Variants in AOAH observed in about 807,000 individuals in gnomAD.
AOAH encodes acyloxyacyl hydrolase (neutrophil).
A neutral mutation model predicts 92.2 loss-of-function variants in AOAH; 64 were observed. The ratio of observed to expected loss-of-function variants is 0.69; its 90% confidence interval spans 0.57 to 0.86. AOAH has a LOEUF of 0.86. Among genes scored for constraint, AOAH ranks in the 40% least tolerant of loss-of-function variants. AOAH has a pLI of 0.00. For synonymous variants in AOAH, 263 were observed against 254.5 expected (o/e 1.03, Z -0.32); for missense variants, 656 against 694.6 (o/e 0.94, Z 0.62).
chr7:36,708,615 T>G (rs1027013506), intron 1 of AOAH, among the ~76,000 whole-genome samples: 1 of 152,012 alleles, frequency 6.6e-6, no homozygotes, highest in African/African-American at 2.4e-5. Flanking sequence ...TGTCTACTAA[T>G]TTTTTTTGTT....
intron 11 of AOAH, among the ~76,000 whole-genome samples, chr7:36,613,606 C>G (rs892673650): frequency 1.3e-5 from 2 of 152,220 alleles, no homozygotes; most frequent in East Asian, 1.9e-4. Flanking sequence ...TCACAACTAG[C>G]CTTTCTCCTG....
chr7:36,710,057 T>C (rs1456188933), intron 1 of AOAH, among the ~76,000 whole-genome samples: 1 of 152,242 alleles, frequency 6.6e-6, no homozygotes, highest in East Asian at 1.9e-4. Flanking sequence ...AGCATTTCTA[T>C]GTGTGGTAGG....
intron 1 of AOAH, among the ~76,000 whole-genome samples, chr7:36,705,364 G>T (rs1253805119): frequency 1.3e-5 from 2 of 152,088 alleles, no homozygotes; most frequent in Non-Finnish European, 2.9e-5. Context: ...GCCAAATCAT[G>T]AGCAAACTTC....
chr7:36,634,457 A>G (rs1039880932), intron 5 of AOAH, among the ~76,000 whole-genome samples: 5 of 152,108 alleles, frequency 3.3e-5, no homozygotes, highest in African/African-American at 4.8e-5. Context: ...TGCTCAATCA[A>G]TCACGACCCT....
intron 15 of AOAH, among the ~76,000 whole-genome samples, chr7:36,541,562 C>G (rs987041977): frequency 4.6e-5 from 7 of 152,154 alleles, no homozygotes; most frequent in Admixed American, 2.6e-4. Context: ...TAAAATTGCA[C>G]TCATTGGTTG....
chr7:36,530,059 C>G (rs1164017993), intron 19 of AOAH, among the ~76,000 whole-genome samples: 1 of 152,152 alleles, frequency 6.6e-6, no homozygotes, highest in Non-Finnish European at 1.5e-5. Context: ...CCATATCCCT[C>G]ATTTCTGTCA....
Position 36,618,338 on chromosome 7 carries a change from T to G in AOAH, c.710A>C (p.Asp237Ala). ...CTCATATGGAACTCCATCTTTTGGA[T>G]CGACACCCTTTAAAAAAGAAACGAT... Reference protein sequence around the residue: ...DSNCNGIWGVDPKDGVPYEKK... With the variant: ...DSNCNGIWGVAPKDGVPYEKK... The change falls in exon 10 of 21, where the codon GAT (aspartate) becomes GCT (alanine). Residue 237 changes from aspartate to alanine, a missense_variant. Physicochemically the swap from Asp to Ala is moderately radical, Grantham distance 126. Transcript: ENST00000617537. 1 of 1,614,076 alleles carries G rather than the reference T, an allele frequency of 6.2e-7. No individual in the cohort carries two copies. The highest frequency in any genetic ancestry group is 8.5e-7 in the Non-Finnish European group (1 of 1,179,942).
intron 12 of AOAH, among the ~76,000 whole-genome samples, chr7:36,588,230 C>A (rs182038865): frequency 3.9e-5 from 6 of 152,360 alleles, no homozygotes; most frequent in African/African-American, 1.4e-4. Context: ...TTGATTCACG[C>A]TAACGTGTCA....
At chr7:36,632,441 G>A (rs915559071) in intron 5 of AOAH, among the ~76,000 whole-genome samples, 2 of 150,266 alleles carry the variant, frequency 1.3e-5, no homozygotes, top group Non-Finnish European at 3.0e-5. Context: ...AAATAAAGAA[G>A]ATTTTCAAAC....
intron 6 of AOAH, among the ~76,000 whole-genome samples, chr7:36,623,752 G>A (rs1019239572): frequency 6.6e-6 from 1 of 152,176 alleles, no homozygotes; most frequent in African/African-American, 2.4e-5. Flanking sequence ...GGACCCTGAT[G>A]TGATGACGAA....
At chr7:36,705,129 G>A (rs1283630168) in intron 1 of AOAH, among the ~76,000 whole-genome samples, 1 of 152,138 alleles carries the variant, frequency 6.6e-6, no homozygotes, top group African/African-American at 2.4e-5. Context: ...ACATAGTATT[G>A]GAAGTTCTGG....
chr7:36,520,494 G>C (rs527356531), intron 20 of AOAH, among the ~76,000 whole-genome samples: 38 of 152,112 alleles, frequency 2.5e-4, no homozygotes, highest in Non-Finnish European at 3.7e-4. Flanking sequence ...TCACCTGAGG[G>C]TGAGAGTTCG....
At chr7:36,579,269 A>T (rs1788748553) in intron 12 of AOAH, among the ~76,000 whole-genome samples, 1 of 151,844 alleles carries the variant, frequency 6.6e-6, no homozygotes, top group Non-Finnish European at 1.5e-5. Flanking sequence ...TCTCCAGCCC[A>T]GCCCAGCCCA....
intron 1 of AOAH, among the ~76,000 whole-genome samples, chr7:36,699,633 AT>A (rs1797913321): frequency 5.3e-5 from 1 of 18,788 alleles, no homozygotes; most frequent in East Asian, 3.5e-3. Flanking sequence ...AAATTGGATT[AT>A]TTGTTTTTTT....
chr7:36,706,786 TCTTTC>T (rs1003604631), intron 1 of AOAH, among the ~76,000 whole-genome samples: 9 of 152,184 alleles, frequency 5.9e-5, no homozygotes, highest in African/African-American at 2.2e-4. Context: ...GGAGATAGCT[TCTTTC>T]CTTAAACCTC....
At chr7:36,662,792 A>T (rs895587678) in intron 3 of AOAH, among the ~76,000 whole-genome samples, 1 of 152,214 alleles carries the variant, frequency 6.6e-6, no homozygotes, top group African/African-American at 2.4e-5. Flanking sequence ...TCAGAGAGTG[A>T]GGCTGGCCAT....
In AOAH at chr7:36,576,688, T is replaced by C. The variant is rs372640946; in HGVS notation, c.939-32A>G. 306 of 1,132,796 alleles carry C rather than the reference T, an allele frequency of 2.7e-4. 3 individuals carry two copies. The Middle Eastern group carries it at 6.4e-3, about 24-fold the overall frequency. 70.2% of individuals were successfully genotyped at this position (1,132,796 alleles called of 1,614,324 possible). ...CAAATATATATGTATATATTTAAGGTCAGGATACTCACATAAAGAAGTTTA... is the reference window on the plus strand; with the variant it reads ...CAAATATATATGTATATATTTAAGGCCAGGATACTCACATAAAGAAGTTTA... On this transcript the variant is annotated intron_variant, in intron 12 of 20. Coordinates refer to ENST00000617537, the MANE Select transcript of AOAH (RefSeq NM_001637.4).
At chr7:36,562,957 G>C (rs1255245479) in intron 13 of AOAH, among the ~76,000 whole-genome samples, 3 of 151,686 alleles carry the variant, frequency 2.0e-5, no homozygotes, top group African/African-American at 7.3e-5. Flanking sequence ...GACCAACCTG[G>C]CCAACATGGT....
At chr7:36,602,120 G>A (rs1790656665) in intron 11 of AOAH, among the ~76,000 whole-genome samples, 2 of 152,142 alleles carry the variant, frequency 1.3e-5, no homozygotes, top group Non-Finnish European at 2.9e-5. Flanking sequence ...CAGTACAAAA[G>A]CTTATGGGGG....
Sources: gnomAD v4.1 joint callset for allele counts (sites outside exome capture counted in the v4.1 genomes callset) on GRCh38, gnomAD v4.1.1 for gene constraint, MANE v1.5 for transcripts, NCBI Gene and HGNC (gene_info 2026-07-23, HGNC 2026-07-21) for gene names.